LAMA4: variants seen among roughly 807,000 people sequenced by gnomAD.
LAMA4 encodes the protein laminin subunit alpha 4.
LAMA4 carries 127 observed loss-of-function variants against 207.1 expected under a neutral mutation model. The ratio of observed to expected loss-of-function variants is 0.61; its 90% CI spans 0.53 to 0.71. The LOEUF (loss-of-function observed/expected upper bound fraction) is 0.71, where lower values mean the gene tolerates loss of function less well. Among genes scored for constraint, LAMA4 ranks in the 30% least tolerant of loss-of-function variants. The pLI, the probability that LAMA4 is intolerant of heterozygous loss-of-function variation, is 0.00. For synonymous variants in LAMA4, 761 were observed against 816.0 expected (o/e 0.93, Z 1.15); for missense variants, 2,093 against 2,246.5 (o/e 0.93, Z 1.38).
At chr6:112,190,125 G>C (rs1782929740) in intron 6 of LAMA4, among the ~76,000 whole-genome samples, 1 of 152,204 alleles carries the variant, frequency 6.6e-6, no homozygotes, top group South Asian at 2.1e-4. Flanking sequence ...CTTTCAGCAA[G>C]ATCATGCTTT....
intron 2 of LAMA4, among the ~76,000 whole-genome samples, chr6:112,246,062 A>C (rs564729705): frequency 6.6e-6 from 1 of 152,320 alleles, no homozygotes; most frequent in South Asian, 2.1e-4. Flanking sequence ...CTTTGATGGG[A>C]AACTTAAGTT....
At chr6:112,138,300 G>C (rs1779476352) in intron 24 of LAMA4, among the ~76,000 whole-genome samples, 1 of 152,182 alleles carries the variant, frequency 6.6e-6, no homozygotes, top group Admixed American at 6.5e-5. Flanking sequence ...ATTTGAGTTA[G>C]TAGGCACAGC....
At chr6:112,155,951 C>T (rs1376994776) in intron 14 of LAMA4, among the ~76,000 whole-genome samples, 3 of 152,148 alleles carry the variant, frequency 2.0e-5, no homozygotes, top group East Asian at 1.9e-4. Flanking sequence ...AAGGGAATGA[C>T]GATTTAAAAA....
At chr6:112,196,771 T>G (rs1037297519) in intron 5 of LAMA4, among the ~76,000 whole-genome samples, 1 of 152,206 alleles carries the variant, frequency 6.6e-6, no homozygotes, top group African/African-American at 2.4e-5. Context: ...CTCCTGTCAC[T>G]ACATAGTACC....
intron 2 of LAMA4, among the ~76,000 whole-genome samples, chr6:112,240,097 T>C (rs1018729948): frequency 4.6e-5 from 7 of 152,146 alleles, no homozygotes; most frequent in Non-Finnish European, 5.9e-5. Context: ...TCCTTTTCAT[T>C]GTTAAATTTC....
At chr6:112,192,652 G>T (rs533564134) in intron 5 of LAMA4, among the ~76,000 whole-genome samples, 5 of 152,338 alleles carry the variant, frequency 3.3e-5, no homozygotes, top group East Asian at 1.9e-4. Context: ...TGATGAGAGA[G>T]CCCAGCTGAG....
In LAMA4 at chr6:112,216,377, T is replaced by C. The variant is rs782194337; in HGVS notation, c.288A>G (p.Gly96=). ...AGGTGCCCCAACTTACCACACAGTATCCTGAGCCGTCCAAACACTCGTTGG... is the reference window on the plus strand; with the variant it reads ...AGGTGCCCCAACTTACCACACAGTACCCTGAGCCGTCCAAACACTCGTTGG... The part of the protein sequence containing the change: ...GNSNECLDGS[G]YCVHCQRNTT... Residue 96 remains glycine, a synonymous_variant, in exon 3 of 39, where the codon GGA becomes GGG. Transcript: ENST00000230538. The C allele has an allele frequency of 6.2e-7, 1 of 1,610,852 alleles. No individual in the cohort carries two copies. The highest frequency in any genetic ancestry group is 1.1e-5 in the South Asian group (1 of 91,012).
At position 112,109,200 on chromosome 6, in the gene LAMA4, T is replaced by C. The variant is rs1237750552; in HGVS notation, c.*237A>G. The C allele has an allele frequency of 3.6e-6, 2 of 552,946 alleles. No homozygotes were observed. The highest frequency in any genetic ancestry group is 6.5e-6 in the Non-Finnish European group (2 of 308,696). 34.3% of individuals were successfully genotyped at this position (552,946 alleles called of 1,614,324 possible). A position where few individuals can be genotyped will look rare whatever the true frequency, so the allele number is the denominator to read the frequency against. Reference sequence around the variant, plus strand: ...TCACCAGTAGGAATTGCGTGTGCTCTCAATACAAGTAAGTTTGCCACTCCT... The same window carrying C: ...TCACCAGTAGGAATTGCGTGTGCTCCCAATACAAGTAAGTTTGCCACTCCT... On this transcript the variant is annotated 3_prime_UTR_variant, in exon 39 of 39. Coordinates refer to ENST00000230538, the MANE Select transcript of LAMA4 (RefSeq NM_001105206.3).
At chr6:112,200,758 C>G (rs1393903646) in intron 5 of LAMA4, among the ~76,000 whole-genome samples, 19 of 152,208 alleles carry the variant, frequency 1.2e-4, no homozygotes, top group African/African-American at 4.3e-4. Flanking sequence ...TGGAAACCGT[C>G]ATTCTTAACA....
At chr6:112,234,010 AT>A (rs1554365130) in intron 2 of LAMA4, among the ~76,000 whole-genome samples, 1 of 152,198 alleles carries the variant, frequency 6.6e-6, no homozygotes, top group Non-Finnish European at 1.5e-5. Flanking sequence ...TGTTAGGCAC[AT>A]CTGGAAGCCT....
chr6:112,203,849 T>A (rs1554353317), intron 4 of LAMA4, among the ~76,000 whole-genome samples: 1 of 152,202 alleles, frequency 6.6e-6, no homozygotes, highest in Non-Finnish European at 1.5e-5. Flanking sequence ...AGACTTGAGT[T>A]TTCGTGTCTG....
At chr6:112,198,610 T>C (rs1554351234) in intron 5 of LAMA4, among the ~76,000 whole-genome samples, 1 of 152,148 alleles carries the variant, frequency 6.6e-6, no homozygotes, top group East Asian at 1.9e-4. Flanking sequence ...CAACCTTCTC[T>C]AAGGTGGCTG....
chr6:112,200,158 G>A (rs368840774), intron 5 of LAMA4: 1 of 533,248 alleles, frequency 1.9e-6, no homozygotes, highest in East Asian at 5.5e-5. Flanking sequence ...AAAGCCTCTC[G>A]TGCTCTGTGG....
intron 4 of LAMA4, among the ~76,000 whole-genome samples, chr6:112,203,286 C>T (rs1469989220): frequency 2.0e-5 from 3 of 152,132 alleles, no homozygotes; most frequent in African/African-American, 7.2e-5. Flanking sequence ...AAAATAGACT[C>T]GGCCCTTTGT....
intron 29 of LAMA4, 50 bp from the exon 30 acceptor site, chr6:112,130,090 T>TAGAG: frequency 1.3e-6 from 2 of 1,516,506 alleles, no homozygotes; most frequent in Non-Finnish European, 1.8e-6. Context: ...GCATTTTACC[T>TAGAG]TGACCCACTC....
Position 112,139,309 on chromosome 6 carries a change from C to A in LAMA4, c.3111-18G>T, listed in dbSNP as rs80168443. The A allele has an allele frequency of 7.1e-5, 114 of 1,613,716 alleles. No individual in the cohort carries two copies. The South Asian group carries it at 9.4e-4, about 13-fold the overall frequency. On this transcript the variant is annotated intron_variant, in intron 23 of 38. Coordinates refer to ENST00000230538, the MANE Select transcript of LAMA4 (RefSeq NM_001105206.3). ...GCTTATCTCTGAAATGGAAACACAA[C>A]GGTCATTTGAACACTACAGTTTCTG...
At chr6:112,217,940 G>T (rs1784721571) in intron 2 of LAMA4, 1 of 152,134 alleles carries the variant, frequency 6.6e-6, no homozygotes, top group Admixed American at 6.5e-5. Context: ...TGTTTTCATT[G>T]TGATGCAGTA....
intron 3 of LAMA4, among the ~76,000 whole-genome samples, chr6:112,214,692 T>C (rs1583912145): frequency 6.6e-6 from 1 of 152,324 alleles, no homozygotes; most frequent in East Asian, 1.9e-4. Flanking sequence ...AACAAAGTAG[T>C]TGGAGGAATG....
chr6:112,219,506 T>C (rs915002350), intron 2 of LAMA4: 3 of 152,174 alleles, frequency 2.0e-5, no homozygotes, highest in Non-Finnish European at 4.4e-5. Context: ...AAACACAATC[T>C]TAGCATTCAG....
Sources: allele counts gnomAD v4.1 joint callset (sites outside exome capture counted in the v4.1 genomes callset), GRCh38; gene constraint gnomAD v4.1.1; transcripts MANE v1.5; gene names NCBI Gene and HGNC (gene_info 2026-07-23, HGNC 2026-07-21).